The following SCAND3 variants were observed in gnomAD, a reference collection of about 807,000 sequenced individuals.
SCAND3 encodes SCAN domain-containing protein 3.
the SCAND3 span, among the ~76,000 whole-genome samples, chr6:28,606,775 A>G: frequency 1.2e-3 from 176 of 152,328 alleles, no homozygotes; most frequent in African/African-American, 3.1e-3. Flanking sequence ...CTTTGTTCCA[A>G]GAAAGGCGGT....
chr6:28,607,898 A>G, the SCAND3 span, among the ~76,000 whole-genome samples: 1 of 152,154 alleles, frequency 6.6e-6, no homozygotes, highest in Non-Finnish European at 1.5e-5. Context: ...GTAAAAATAA[A>G]TGACATGTTT....
chr6:28,590,030 G>C, the SCAND3 span: 2 of 152,180 alleles, frequency 1.3e-5, no homozygotes, highest in Non-Finnish European at 2.9e-5. Context: ...TCCAAAGCCA[G>C]CAGCCCCGGA....
At chr6:28,606,120 A>C in the SCAND3 span, among the ~76,000 whole-genome samples, 15 of 152,312 alleles carry the variant, frequency 9.8e-5, no homozygotes, top group East Asian at 3.9e-4. Flanking sequence ...TATATAGAAA[A>C]GTACTTAAGT....
the SCAND3 span, among the ~76,000 whole-genome samples, chr6:28,615,615 A>AG: frequency 6.6e-6 from 1 of 151,564 alleles, no homozygotes. Context: ...AAAAAAAAAA[A>AG]AAGACTAGAC....
At chr6:28,576,667 G>A in the SCAND3 span, among the ~76,000 whole-genome samples, 1 of 152,026 alleles carries the variant, frequency 6.6e-6, no homozygotes, top group African/African-American at 2.4e-5. Flanking sequence ...AGAGCAGAAA[G>A]CCAGGACATG....
the SCAND3 span, chr6:28,576,141 A>G: frequency 1.3e-6 from 2 of 1,554,452 alleles, no homozygotes; most frequent in East Asian, 4.5e-5. Context: ...ATGACCCTAA[A>G]AACAAAGGAA....
the SCAND3 span, among the ~76,000 whole-genome samples, chr6:28,596,627 T>TA: frequency 7.4e-6 from 1 of 135,128 alleles, no homozygotes; most frequent in Non-Finnish European, 1.5e-5. Context: ...AAAATATATA[T>TA]TTTTTTCTCC....
the SCAND3 span, among the ~76,000 whole-genome samples, chr6:28,581,743 T>C: frequency 6.6e-5 from 10 of 152,136 alleles, no homozygotes; most frequent in Non-Finnish European, 1.5e-4. Context: ...AGGAACCTCC[T>C]CCCCGAAATA....
chr6:28,573,436 C>G, the SCAND3 span: 3 of 1,614,126 alleles, frequency 1.9e-6, no homozygotes, highest in African/African-American at 1.3e-5. Context: ...CCGCAAAGCA[C>G]TAATGTTTAT....
At chr6:28,595,195 CAA>C in the SCAND3 span, among the ~76,000 whole-genome samples, 379 of 15,986 alleles carry the variant, frequency 0.024, 2 homozygotes, top group African/African-American at 0.06. Flanking sequence ...CCGTCACTAC[CAA>C]AAAAAAAAAA....
the SCAND3 span, among the ~76,000 whole-genome samples, chr6:28,583,927 C>A: frequency 6.6e-6 from 1 of 152,180 alleles, no homozygotes; most frequent in Admixed American, 6.5e-5. Context: ...TCAAATCCAA[C>A]CCCCTTTGCA....
the SCAND3 span, chr6:28,573,398 C>T: frequency 1.6e-5 from 26 of 1,614,002 alleles, no homozygotes; most frequent in Middle Eastern, 1.6e-4. Flanking sequence ...TTAGACTTGG[C>T]AACCGGAAGT....
the SCAND3 span, among the ~76,000 whole-genome samples, chr6:28,610,532 A>G: frequency 4.6e-5 from 7 of 152,072 alleles, no homozygotes; most frequent in East Asian, 3.9e-4. Context: ...AAAAGAAAGA[A>G]AGAGAGAGAG....
At chr6:28,594,897 G>C in the SCAND3 span, among the ~76,000 whole-genome samples, 1 of 152,042 alleles carries the variant, frequency 6.6e-6, no homozygotes, top group African/African-American at 2.4e-5. Context: ...GGTGGGAGTT[G>C]GGGAAGGAAT....
At chr6:28,575,832 T>G in the SCAND3 span, 1 of 1,614,086 alleles carries the variant, frequency 6.2e-7, no homozygotes, top group Non-Finnish European at 8.5e-7. This position sits in a 1 kb window ranked among gnomAD's most constrained non-coding sequence, Gnocchi z 4.2. Context: ...TTTCCCCATT[T>G]ACAGCCTCAA....
chr6:28,610,471 C>T, the SCAND3 span, among the ~76,000 whole-genome samples: 3 of 151,708 alleles, frequency 2.0e-5, no homozygotes, highest in African/African-American at 7.3e-5. Flanking sequence ...TGCAGTGAGC[C>T]GAGATCGCAC....
chr6:28,582,255 T>C, the SCAND3 span, among the ~76,000 whole-genome samples: 2 of 152,196 alleles, frequency 1.3e-5, no homozygotes, highest in Non-Finnish European at 2.9e-5. The surrounding 1 kb of genome is among the most constrained non-coding windows in gnomAD (Gnocchi z 4.8). Flanking sequence ...AAGATTGTTT[T>C]GTGATTTTTT....
the SCAND3 span, chr6:28,586,485 C>T: frequency 1.9e-5 from 30 of 1,614,108 alleles, no homozygotes; most frequent in South Asian, 1.5e-4. The surrounding 1 kb of genome is among the most constrained non-coding windows in gnomAD (Gnocchi z 4.4). Context: ...CAGCCACTGA[C>T]GGCAAAGTTC....
the SCAND3 span, chr6:28,573,483 C>T: frequency 6.2e-7 from 1 of 1,614,050 alleles, no homozygotes; most frequent in Non-Finnish European, 8.5e-7. Flanking sequence ...GTTGGCTTTT[C>T]AATTCACTAC....
Sources: gnomAD v4.1 joint callset for allele counts (sites outside exome capture counted in the v4.1 genomes callset) on GRCh38, gnomAD v4.1.1 for gene constraint, Gnocchi (gnomAD v3.1) non-coding constraint, MANE v1.5 for transcripts, NCBI Gene and HGNC (gene_info 2026-07-23, HGNC 2026-07-21) for gene names.